The following AZIN2 variants were observed in gnomAD, a reference collection of about 807,000 sequenced individuals.
The protein encoded by AZIN2 is antizyme inhibitor 2.
Under a neutral mutation model 47.8 loss-of-function variants are expected in AZIN2, and 28 were observed. That is an observed-to-expected ratio of 0.59 (90% CI 0.43 to 0.80). The LOEUF is 0.80. Among genes scored for constraint, AZIN2 ranks in the 30% least tolerant of loss-of-function variants. The pLI is 0.00. For missense variants in AZIN2, 535 were observed against 582.5 expected, an observed-to-expected ratio of 0.92 and a Z score of 0.84; for synonymous variants, 221 against 239.4, an observed-to-expected ratio of 0.92 and a Z score of 0.71.
chr1:33,147,792 C>T, the AZIN2 span: 2 of 1,543,252 alleles, frequency 1.3e-6, no homozygotes, highest in East Asian at 4.5e-5. The surrounding 1 kb of genome is among the most constrained non-coding windows in gnomAD (Gnocchi z 8.1). Flanking sequence ...CCATGCAGTG[C>T]CTTCCTGAGG....
intron 10 of AZIN2, among the ~76,000 whole-genome samples, chr1:33,108,643 T>C (rs754060449): frequency 2.6e-5 from 4 of 152,192 alleles, no homozygotes; most frequent in Admixed American, 6.5e-5. Flanking sequence ...GTGGCCCAGA[T>C]TGACTTCTTT....
In AZIN2 at chr1:33,094,694, C is replaced by T. The variant is rs180762542; in HGVS notation, c.734C>T (p.Ala245Val). The change falls in exon 8 of 12, where the codon GCC (alanine) becomes GTC (valine). Residue 245 changes from alanine (A) to valine (V), a missense_variant. Physicochemically the swap from Ala to Val is moderately conservative, Grantham distance 64 (BLOSUM62 0). This residue lies in a region of AZIN2 where 409 missense variants were observed against 429.0 expected (regional missense o/e 0.95). Coordinates refer to ENST00000294517, the MANE Select transcript of AZIN2 (RefSeq NM_052998.4). ...GGTGGCTTCCCTGGCACAGAAGGGG[C>T]CAAAGTGAGATTTGAAGAGGTAACC... The part of the protein sequence containing the change: ...LGGGFPGTEG[A>V]KVRFEEIASV... 10 of 1,614,094 alleles carry T rather than the reference C, an allele frequency of 6.2e-6. No individual in the cohort carries two copies. Among genetic ancestry groups the T allele is most frequent in the Non-Finnish European group, 8.5e-6 (10 of 1,180,000 alleles).
the AZIN2 span, chr1:33,146,800 C>T: frequency 1.4e-5 from 4 of 281,082 alleles, no homozygotes; most frequent in South Asian, 1.8e-4. Flanking sequence ...GTCTTTCGGG[C>T]TGCCAACTAC....
At chr1:33,096,018 A>G (rs1006918442) in intron 8 of AZIN2, among the ~76,000 whole-genome samples, 2 of 152,104 alleles carry the variant, frequency 1.3e-5, no homozygotes, top group Admixed American at 6.6e-5. Flanking sequence ...TTGTATTTTT[A>G]GTAGAGACGG....
chr1:33,136,113 CCCTTCCTTCCTTCCTT>C, the AZIN2 span, among the ~76,000 whole-genome samples: 1,938 of 103,570 alleles, frequency 0.019, 25 homozygotes, highest in Non-Finnish European at 0.024. Flanking sequence ...CAGGGGCCAG[CCCTTCCTTCCTTCCTT>C]CCTTCCTTCC....
intron 10 of AZIN2, among the ~76,000 whole-genome samples, chr1:33,102,751 A>G (rs559928907): frequency 6.6e-6 from 1 of 152,008 alleles, no homozygotes; most frequent in South Asian, 2.1e-4. Context: ...CCAAATTTCT[A>G]TCTCTATCCT....
chr1:33,097,612 C>T (rs1461900220), intron 9 of AZIN2, among the ~76,000 whole-genome samples: 1 of 152,156 alleles, frequency 6.6e-6, no homozygotes, highest in Non-Finnish European at 1.5e-5. Context: ...TGGTGGGCTC[C>T]AGGTAGAATG....
chr1:33,096,749 G>A lies in AZIN2; in HGVS notation c.796G>A (p.Glu266Lys). 6.2e-7 allele frequency: 1 copy of A among 1,614,214 alleles called. No individual in the cohort carries two copies. Among genetic ancestry groups the A allele is most frequent in the Non-Finnish European group, 8.5e-7 (1 of 1,180,042 alleles). ...CTCAGCCTTGGACCTGTACTTCCCA[G>A]AGGGCTGTGGCGTGGACATCTTTGC... ...INSALDLYFPEGCGVDIFAEL... is the reference protein window; with the variant it reads ...INSALDLYFPKGCGVDIFAEL... The change falls in exon 9 of 12, where the codon GAG (glutamate) becomes AAG (lysine). Residue 266 changes from glutamate to lysine, a missense_variant. Physicochemically the swap from Glu to Lys is moderately conservative, Grantham distance 56. Coordinates refer to ENST00000294517, the MANE Select transcript of AZIN2 (RefSeq NM_052998.4).
At chr1:33,127,225 G>A (rs900996523), downstream of AZIN2, among the ~76,000 whole-genome samples, 2 of 152,238 alleles carry the variant, frequency 1.3e-5, no homozygotes, top group Non-Finnish European at 2.9e-5. Flanking sequence ...TTGCCTGGCG[G>A]AACCATGACT....
At chr1:33,103,302 C>T (rs1643846416) in intron 10 of AZIN2, among the ~76,000 whole-genome samples, 1 of 152,196 alleles carries the variant, frequency 6.6e-6, no homozygotes, top group Non-Finnish European at 1.5e-5. Context: ...CCTCTGCCCT[C>T]ACTCCTGTCC....
chr1:33,161,601 C>T, the AZIN2 span, among the ~76,000 whole-genome samples: 6 of 151,988 alleles, frequency 3.9e-5, no homozygotes, highest in Non-Finnish European at 8.8e-5. The surrounding 1 kb of genome is among the most constrained non-coding windows in gnomAD (Gnocchi z 4.3). Flanking sequence ...GGGGGGCGGA[C>T]GAGAGTCTGG....
At chr1:33,128,987 C>T in the AZIN2 span, among the ~76,000 whole-genome samples, 4 of 152,040 alleles carry the variant, frequency 2.6e-5, no homozygotes, top group African/African-American at 4.8e-5. Context: ...TTAGGACAGG[C>T]GTGGCAAAAG....
At position 33,122,780 on chromosome 1, in the gene AZIN2, C is replaced by T. The variant is rs1644818669; in HGVS notation, c.*2598C>T. Among the ~76,000 whole-genome samples the T allele has an allele frequency of 1.3e-5, 2 of 152,176 alleles. No homozygotes were observed. The highest frequency in any genetic ancestry group is 4.1e-4 in the South Asian group (2 of 4,828). On this transcript the variant is annotated 3_prime_UTR_variant, in exon 12 of 12. Transcript: ENST00000294517. ...AATGCCTCCCTACAACCCACCTGTG[C>T]CTCCTGAAGCCCCTCCTGCGCGCAC...
chr1:33,100,587 G>A (rs1223631932), intron 10 of AZIN2, among the ~76,000 whole-genome samples: 1 of 152,032 alleles, frequency 6.6e-6, no homozygotes, highest in East Asian at 1.9e-4. Flanking sequence ...GTGTGTGTGT[G>A]TGATTAGTAT....
chr1:33,091,934 C>T lies in AZIN2; in HGVS notation c.280-116C>T, dbSNP rs911859096. 9.3e-6 allele frequency: 10 copies of T among 1,077,966 alleles called. No homozygotes were observed. In the African/African-American group the frequency reaches 1.4e-4, roughly 15 times the overall value. The allele number at this position is 1,077,966 out of a possible 1,614,324, so 66.8% of individuals were successfully genotyped here. A position where few individuals can be genotyped will look rare whatever the true frequency, so the allele number is the denominator to read the frequency against. ...GTATCTGTTGTCTTAGAGCAAGGCC[C>T]ACTGTTATGGGCCTCCCTATGCATA... is the stretch of plus-strand genomic sequence containing the variant. On this transcript the variant is annotated intron_variant, in intron 5 of 11. Coordinates refer to ENST00000294517, the MANE Select transcript of AZIN2 (RefSeq NM_052998.4).
chr1:33,103,827 T>C (rs956550976), intron 10 of AZIN2, among the ~76,000 whole-genome samples: 5 of 152,208 alleles, frequency 3.3e-5, no homozygotes, highest in Middle Eastern at 6.9e-3. Flanking sequence ...TCATATCTGT[T>C]TCCCTAGTAC....
downstream of AZIN2, among the ~76,000 whole-genome samples, chr1:33,123,826 G>A (rs1237623132): frequency 6.6e-6 from 1 of 152,126 alleles, no homozygotes; most frequent in Non-Finnish European, 1.5e-5. Flanking sequence ...GTGAAACCCC[G>A]TCTCTACTAA....
chr1:33,150,234 T>C, the AZIN2 span, among the ~76,000 whole-genome samples: 2 of 152,214 alleles, frequency 1.3e-5, no homozygotes, highest in Non-Finnish European at 2.9e-5. Context: ...GACATCCAGC[T>C]CTCTGGCTCT....
At chr1:33,089,049 C>T (rs113147477) in intron 5 of AZIN2, among the ~76,000 whole-genome samples, 356 of 152,258 alleles carry the variant, frequency 2.3e-3, no homozygotes, top group Admixed American at 4.8e-3. Context: ...CAAAAATACC[C>T]GTCAGTGCAG....
Sources: allele counts gnomAD v4.1 joint callset (sites outside exome capture counted in the v4.1 genomes callset), GRCh38; gene constraint gnomAD v4.1.1; regional missense constraint gnomAD v4.1.1; non-coding constraint Gnocchi (gnomAD v3.1); transcripts MANE v1.5; gene names NCBI Gene and HGNC (gene_info 2026-07-23, HGNC 2026-07-21).